The following RCBTB1 variants were observed in gnomAD, a reference collection of about 807,000 sequenced individuals.
RCBTB1 encodes the protein RCC1 and BTB domain containing protein 1.
In RCBTB1, 46 loss-of-function variants were observed where a neutral mutation model predicts 62.4. The observed-to-expected ratio is 0.74, with a 90% CI of 0.58 to 0.94. RCBTB1 has a LOEUF of 0.94. Ranked by LOEUF, RCBTB1 falls within the 40% of genes least tolerant of loss-of-function variation. The pLI is 0.00. For missense variants in RCBTB1, 565 were observed against 654.9 expected (o/e 0.86, Z 1.50); for synonymous variants, 222 against 245.8 (o/e 0.90, Z 0.91).
At chr13:49,543,569 A>T (rs1380351813) in intron 10 of RCBTB1, among the ~76,000 whole-genome samples, 1 of 152,264 alleles carries the variant, frequency 6.6e-6, no homozygotes. Context: ...TAAATTTCCA[A>T]AAAGACTTGT....
intron 4 of RCBTB1, among the ~76,000 whole-genome samples, chr13:49,560,896 G>A (rs73495265): frequency 0.03 from 4,596 of 152,204 alleles, 262 homozygotes; most frequent in African/African-American, 0.1. Flanking sequence ...TAAGGTATGC[G>A]GGGATGAGGG....
At chr13:49,577,533 GT>G (rs11310875) in intron 2 of RCBTB1, among the ~76,000 whole-genome samples, 126,788 of 152,138 alleles carry the variant, frequency 0.83, 52,980 homozygotes, top group East Asian at 0.89. Context: ...TTAAATTGCT[GT>G]TATGTACTGG....
At chr13:49,559,513 G>A (rs536590161) in intron 5 of RCBTB1, among the ~76,000 whole-genome samples, 10 of 152,178 alleles carry the variant, frequency 6.6e-5, no homozygotes, top group East Asian at 1.9e-4. Context: ...AAAATTAGGC[G>A]GGTGTGGTGG....
At chr13:49,557,135 TA>T (rs1961985723) in intron 5 of RCBTB1, among the ~76,000 whole-genome samples, 1 of 152,186 alleles carries the variant, frequency 6.6e-6, no homozygotes, top group African/African-American at 2.4e-5. Flanking sequence ...TCCTACTTAA[TA>T]AAATCTCTGT....
At chr13:49,574,141 C>G (rs951124877) in intron 2 of RCBTB1, among the ~76,000 whole-genome samples, 2 of 149,880 alleles carry the variant, frequency 1.3e-5, no homozygotes, top group African/African-American at 4.9e-5. Context: ...GGGGGGTGGA[C>G]AGAGTCTCAC....
At chr13:49,538,626 G>C (rs1022956982) in intron 12 of RCBTB1, among the ~76,000 whole-genome samples, 1 of 151,998 alleles carries the variant, frequency 6.6e-6, no homozygotes, top group African/African-American at 2.4e-5. Context: ...GAAGGAAGGA[G>C]GACTACTTGA....
At chr13:49,541,879 G>GAA in intron 10 of RCBTB1, 52 bp from the exon 11 acceptor site, 2 of 1,520,458 alleles carry the variant, frequency 1.3e-6, no homozygotes, top group Non-Finnish European at 8.8e-7. Flanking sequence ...TTTTAAAAAA[G>GAA]AAAAAAAAAT....
chr13:49,560,026 G>C lies in RCBTB1; in HGVS notation c.336C>G (p.Thr112=). Reference sequence around the variant, plus strand: ...CCTGGACGGGAGCAATGCCTTGGTTGGTCGTCCCATTCCCAAGCTGGCTAT... The same window carrying C: ...CCTGGACGGGAGCAATGCCTTGGTTCGTCGTCCCATTCCCAAGCTGGCTAT... The part of the protein sequence containing the change: ...NGYSQLGNGT[T]NQGIAPVQVC... Residue 112 remains threonine, a synonymous_variant, in exon 5 of 13, where the codon ACC becomes ACG. Transcript: ENST00000378302. The C allele has an allele frequency of 6.2e-7, 1 of 1,614,156 alleles. No homozygotes were observed. Among genetic ancestry groups the C allele is most frequent in the East Asian group, 2.2e-5 (1 of 44,886 alleles).
chr13:49,532,853 G>A lies in RCBTB1; in HGVS notation c.*1269C>T, dbSNP rs1042072068. The A allele has an allele frequency of 1.3e-5, 2 of 152,018 alleles. No homozygotes were observed. The highest frequency in any genetic ancestry group is 4.8e-5 in the African/African-American group (2 of 41,382). 9.4% of individuals were successfully genotyped at this position (152,018 alleles called of 1,614,324 possible). A position where few individuals can be genotyped will look rare whatever the true frequency, so the allele number is the denominator to read the frequency against. On this transcript the variant is annotated 3_prime_UTR_variant, in exon 13 of 13. Transcript: ENST00000378302. ...AATGGAAATGAGTTCATGGACCAGA[G>A]AGCAAAGCAAAACATTGCTCTTAAA...
chr13:49,549,670 G>A (rs1278156621), intron 8 of RCBTB1, 22 bp from the exon 9 acceptor site: 3 of 1,588,726 alleles, frequency 1.9e-6, no homozygotes, highest in African/African-American at 1.3e-5. Context: ...TAAGAAAAAT[G>A]CATGTTACTT....
intron 11 of RCBTB1, among the ~76,000 whole-genome samples, chr13:49,541,291 T>C (rs1960341614): frequency 1.3e-5 from 2 of 152,208 alleles, no homozygotes; most frequent in South Asian, 2.1e-4. Flanking sequence ...TAGCAACTTA[T>C]ACTTCACTAC....
At chr13:49,567,577 T>C (rs1326683747) in intron 2 of RCBTB1, among the ~76,000 whole-genome samples, 1 of 152,062 alleles carries the variant, frequency 6.6e-6, no homozygotes, top group Non-Finnish European at 1.5e-5. Flanking sequence ...TGCTTATCTG[T>C]TCCACATGTG....
rs746826785 is a variant in RCBTB1, at chr13:49,549,551, C to A, written c.952G>T (p.Val318Leu). 1 of 1,614,132 alleles carries A rather than the reference C, an allele frequency of 6.2e-7. No individual in the cohort carries two copies. The highest frequency in any genetic ancestry group is 1.1e-5 in the South Asian group (1 of 91,070). Residue 318 changes from valine (V) to leucine (L), a missense_variant, in exon 9 of 13, where the codon GTG becomes TTG. Physicochemically the swap from Val to Leu is conservative, Grantham distance 32. Coordinates refer to ENST00000378302, the MANE Select transcript of RCBTB1 (RefSeq NM_018191.4). Reference sequence around the variant, plus strand: ...AAGTGGGTGAGGTGCGGGAGGATCACGGACTGACCCCGGCACTGGCCCCAC... The same window carrying A: ...AAGTGGGTGAGGTGCGGGAGGATCAAGGACTGACCCCGGCACTGGCCCCAC... ...YMWGQCRGQSVILPHLTHFSC... is the reference protein window; with the variant it reads ...YMWGQCRGQSLILPHLTHFSC...
intron 6 of RCBTB1, among the ~76,000 whole-genome samples, chr13:49,553,075 A>T (rs1213161291): frequency 2.0e-5 from 3 of 152,044 alleles, no homozygotes; most frequent in Non-Finnish European, 2.9e-5. Flanking sequence ...CCAGCTACTC[A>T]GGAGGCTGAG....
Position 49,534,561 on chromosome 13 carries a change from C to T in RCBTB1, c.1456-299G>A, listed in dbSNP as rs112800574. Among the ~76,000 whole-genome samples the T allele has an allele frequency of 2.3e-3, 351 of 152,234 alleles. 1 individual carries two copies. The highest frequency in any genetic ancestry group is 7.9e-3 in the African/African-American group (327 of 41,522). On this transcript the variant is annotated intron_variant, in intron 12 of 12. Transcript: ENST00000378302. ...TCTACAAGGGAAAGAATTTCCTGCA[C>T]GATTATCACATAATCTAGTTATGCT...
At chr13:49,576,875 G>T (rs757547686) in intron 2 of RCBTB1, among the ~76,000 whole-genome samples, 1 of 152,006 alleles carries the variant, frequency 6.6e-6, no homozygotes, top group Non-Finnish European at 1.5e-5. Flanking sequence ...ATAAAACAAG[G>T]GTGCAAGGAA....
At chr13:49,537,015 C>T (rs1050296456) in intron 12 of RCBTB1, among the ~76,000 whole-genome samples, 3 of 152,192 alleles carry the variant, frequency 2.0e-5, no homozygotes, top group African/African-American at 7.2e-5. Context: ...GTCTTAATAT[C>T]CTCATTTTAA....
Position 49,544,809 on chromosome 13 carries a change from G to A in RCBTB1, c.1100C>T (p.Pro367Leu). The A allele has an allele frequency of 6.2e-7, 1 of 1,610,554 alleles. No individual in the cohort carries two copies. The highest frequency in any genetic ancestry group is 8.5e-7 in the Non-Finnish European group (1 of 1,177,510). The change falls in exon 10 of 13, where the codon CCA becomes CTA. Residue 367 changes from proline (P) to leucine (L), a missense_variant. Pro to Leu is a moderately conservative substitution (Grantham distance 98). Coordinates refer to ENST00000378302, the MANE Select transcript of RCBTB1 (RefSeq NM_018191.4). ...TCGAAACTTCAGATCAGCAGTTTCT[G>A]GACTATCAAATTCTTTCTTCAGTGA... Reference protein sequence around the residue: ...AESLKKEFDSPETADLKFRID... With the variant: ...AESLKKEFDSLETADLKFRID...
In RCBTB1 at chr13:49,567,076, C is replaced by A. The variant is rs979161021; in HGVS notation, c.126+78G>T. The A allele has an allele frequency of 2.2e-6, 3 of 1,365,404 alleles. No homozygotes were observed. In the African/African-American group the frequency reaches 4.3e-5, roughly 20 times the overall value. 84.6% of individuals were successfully genotyped at this position (1,365,404 alleles called of 1,614,324 possible). A position where few individuals can be genotyped will look rare whatever the true frequency, so the allele number is the denominator to read the frequency against. On this transcript the variant is annotated intron_variant, in intron 3 of 12. Coordinates refer to ENST00000378302, the MANE Select transcript of RCBTB1 (RefSeq NM_018191.4). ...TCTTTATTTATACCCCGCCTTTTCT[C>A]CATCTTTGAACTGGACACTTTGAAG... is the stretch of plus-strand genomic sequence containing the variant.
Sources: gnomAD v4.1 joint callset for allele counts (sites outside exome capture counted in the v4.1 genomes callset) on GRCh38, gnomAD v4.1.1 for gene constraint, MANE v1.5 for transcripts, NCBI Gene and HGNC (gene_info 2026-07-23, HGNC 2026-07-21) for gene names.